The following MLC1 variants were observed in gnomAD, a reference collection of about 807,000 sequenced individuals.
The protein encoded by MLC1 is modulator of VRAC current 1.
In MLC1, 32 loss-of-function variants were observed where a neutral mutation model predicts 44.7. The ratio of observed to expected loss-of-function variants is 0.72; its 90% CI spans 0.54 to 0.96. The LOEUF (loss-of-function observed/expected upper bound fraction) is 0.96, where lower values mean the gene tolerates loss of function less well. Among genes scored for constraint, MLC1 ranks in the 40% least tolerant of loss-of-function variants. The pLI, the probability that MLC1 is intolerant of heterozygous loss-of-function variation, is 0.00. For synonymous variants in MLC1, 190 were observed against 213.0 expected, an observed-to-expected ratio of 0.89 and a Z score of 0.94; for missense variants, 459 against 492.2, an observed-to-expected ratio of 0.93 and a Z score of 0.64.
chr22:50,076,899 TCAGA>T lies in MLC1; in HGVS notation c.535_538del (p.Ser179ThrfsTer16). 6.2e-7 allele frequency: 1 copy of T among 1,613,908 alleles called. No individual in the cohort carries two copies. The highest frequency in any genetic ancestry group is 8.5e-7 in the Non-Finnish European group (1 of 1,179,848). ...CACTTCGTCCAGAATGTTGGCGCTG[TCAGA>T]CATGGAGCCCTACGAAGAAACAGAA... On this transcript the variant is annotated frameshift_variant, in exon 7 of 12. Transcript: ENST00000311597. LOFTEE classifies it high-confidence loss of function.
At chr22:50,063,441 C>G (rs1209361561) in intron 11 of MLC1, among the ~76,000 whole-genome samples, 1 of 148,978 alleles carries the variant, frequency 6.7e-6, no homozygotes, top group African/African-American at 2.5e-5. Context: ...CCACTGCACT[C>G]CAGTCTGGGT....
At chr22:50,075,618 G>A (rs1356699775) in intron 7 of MLC1, among the ~76,000 whole-genome samples, 1 of 151,824 alleles carries the variant, frequency 6.6e-6, no homozygotes, top group East Asian at 1.9e-4. Context: ...GCTGAGGCGG[G>A]AGAATCGCTT....
chr22:50,062,224 G>C, intron 11 of MLC1, among the ~76,000 whole-genome samples: 1 of 113,456 alleles, frequency 8.8e-6, no homozygotes, highest in South Asian at 2.8e-4. Context: ...CTGAGCCCCA[G>C]CCGCCCACCC....
intron 9 of MLC1, among the ~76,000 whole-genome samples, 170 bp from the exon 10 acceptor site, chr22:50,068,725 C>CTTTTTTTTTTTTTTTTTTTTT (rs765426637): frequency 9.5e-6 from 1 of 105,254 alleles, no homozygotes; most frequent in African/African-American, 3.6e-5. Context: ...TTTTCTTTTT[C>CTTTTTTTTTTTTTTTTTTTTT]TTTTTTTTTT....
At chr22:50,080,215 C>T in intron 4 of MLC1, 129 bp downstream of exon 4, 2 of 1,281,656 alleles carry the variant, frequency 1.6e-6, no homozygotes, top group Non-Finnish European at 2.2e-6. Context: ...GTCTGGGGGG[C>T]AACCTCGGGG....
At chr22:50,065,751 C>T (rs531618165) in intron 10 of MLC1, among the ~76,000 whole-genome samples, 1 of 152,320 alleles carries the variant, frequency 6.6e-6, no homozygotes, top group East Asian at 1.9e-4. Flanking sequence ...TGGACGGCCC[C>T]CATTGAGGAG....
Position 50,079,049 on chromosome 22 carries a change from C to T in MLC1, c.423+869G>A, listed in dbSNP as rs193152394. On this transcript the variant is annotated intron_variant, in intron 5 of 11. Transcript: ENST00000311597. Reference sequence around the variant, plus strand: ...CTGTAATCCCAGCACTATGGGAGGCCGAGGTGGATGGATCACCTGAGGTCA... The same window carrying T: ...CTGTAATCCCAGCACTATGGGAGGCTGAGGTGGATGGATCACCTGAGGTCA... 1.9e-3 allele frequency among the ~76,000 whole-genome samples: 285 copies of T among 151,830 alleles called. No homozygotes were observed. In the Middle Eastern group the frequency reaches 0.02, roughly 11 times the overall value.
intron 10 of MLC1, 65 bp downstream of exon 10, chr22:50,068,368 C>T (rs2061763706): frequency 1.3e-6 from 2 of 1,595,962 alleles, no homozygotes; most frequent in Admixed American, 3.4e-5. Context: ...GCAAAGCCAG[C>T]AAGGGCCAGG....
Position 50,061,565 on chromosome 22 carries a change from G to A in MLC1, c.*18C>T, listed in dbSNP as rs111797969. ...GGGGCCAGGCTGGGCGCTGCCACCC[G>A]GTTTCCGCGTCTGGGGGTCACTGGG... On this transcript the variant is annotated 3_prime_UTR_variant, in exon 12 of 12. Coordinates refer to ENST00000311597, the MANE Select transcript of MLC1 (RefSeq NM_015166.4). 117 of 1,612,526 alleles carry A rather than the reference G, an allele frequency of 7.3e-5. No homozygotes were observed. Among genetic ancestry groups the A allele is most frequent in the Admixed American group, 2.7e-4 (16 of 60,004 alleles).
In MLC1 at chr22:50,070,559, G is replaced by T; in HGVS notation, c.739C>A (p.His247Asn). 6.4e-7 allele frequency: 1 copy of T among 1,565,582 alleles called. No homozygotes were observed. The highest frequency in any genetic ancestry group is 1.2e-5 in the South Asian group (1 of 85,160). The part of the protein sequence containing the change: ...VACFPSAIAS[H>N]VAAECPSKCL... ...TTGCTGGGACACTCTGCTGCCACAT[G>T]ACTGGCAATGGCACTTGGAAAGCAC... The change falls in exon 9 of 12, where the codon CAT becomes AAT. Residue 247 changes from histidine to asparagine, a missense_variant. Physicochemically the swap from His to Asn is moderately conservative, Grantham distance 68 (BLOSUM62 1). Transcript: ENST00000311597.
At position 50,061,572 on chromosome 22, in the gene MLC1, G is replaced by A. The variant is rs369175737; in HGVS notation, c.*11C>T. 4.1e-5 allele frequency: 66 copies of A among 1,613,148 alleles called. 2 individuals carry two copies. Among genetic ancestry groups the A allele is most frequent in the East Asian group, 3.1e-4 (14 of 44,878 alleles). ...GGCTGGGCGCTGCCACCCGGTTTCC[G>A]CGTCTGGGGGTCACTGGGCCATTTG... On this transcript the variant is annotated 3_prime_UTR_variant, in exon 12 of 12. Transcript: ENST00000311597.
chr22:50,082,013 G>A (rs1349748591), intron 3 of MLC1, among the ~76,000 whole-genome samples: 1 of 152,238 alleles, frequency 6.6e-6, no homozygotes, highest in Non-Finnish European at 1.5e-5. Flanking sequence ...ACAGCACGGG[G>A]CGGGGCATCC....
chr22:50,077,269 G>A, intron 6 of MLC1, 132 bp downstream of exon 6: 1 of 849,404 alleles, frequency 1.2e-6, no homozygotes, highest in Non-Finnish European at 1.9e-6. Flanking sequence ...AGACCCAGGA[G>A]AGAGGGGTCT....
intron 10 of MLC1, among the ~76,000 whole-genome samples, chr22:50,065,941 T>C (rs117616637): frequency 0.017 from 2,602 of 152,356 alleles, 32 homozygotes; most frequent in Non-Finnish European, 0.024. Flanking sequence ...CACTAGGGAC[T>C]GGCTGGGTTG....
Position 50,064,189 on chromosome 22 carries a change from C to A in MLC1, c.904G>T (p.Asp302Tyr). Reference protein sequence around the residue: ...DYPPAIKPSYDVLLLLLLLVL... With the variant: ...DYPPAIKPSYYVLLLLLLLVL... ...AGCAGCAGCAGCAGCAGCAGCACAT[C>A]GTAGGATGGCTGCAGGCGGAAGGAG... Residue 302 changes from aspartate to tyrosine, a missense_variant, in exon 11 of 12, where the codon GAT becomes TAT. Coordinates refer to ENST00000311597, the MANE Select transcript of MLC1 (RefSeq NM_015166.4). 3 of 1,598,306 alleles carry A rather than the reference C, an allele frequency of 1.9e-6. No homozygotes were observed. Among genetic ancestry groups the A allele is most frequent in the South Asian group, 1.1e-5 (1 of 90,212 alleles).
chr22:50,074,279 C>G lies in MLC1; in HGVS notation c.651G>C (p.Leu217=). The G allele has an allele frequency of 6.2e-7, 1 of 1,614,146 alleles. No homozygotes were observed. Among genetic ancestry groups the G allele is most frequent in the African/African-American group, 1.3e-5 (1 of 75,074 alleles). ...ISAVLGGIIA[L]NVDDSVSGPH... is the part of the protein sequence containing the mutation. The stretch of plus-strand genomic sequence containing the variant: ...GGCCTGAAACTGAGTCATCCACGTT[C>G]AGGGCAATGATCCCCCCGAGGACGG... The change falls in exon 8 of 12, where the codon CTG becomes CTC. Residue 217 remains leucine, a synonymous_variant. Transcript: ENST00000311597.
intron 5 of MLC1, among the ~76,000 whole-genome samples, chr22:50,079,466 C>G (rs1440173535): frequency 7.0e-6 from 1 of 143,284 alleles, no homozygotes; most frequent in Non-Finnish European, 1.5e-5. Flanking sequence ...TGCAGTATCT[C>G]GGATGAGGTC....
At chr22:50,073,497 G>A (rs1248270967) in intron 8 of MLC1, among the ~76,000 whole-genome samples, 15 of 152,168 alleles carry the variant, frequency 9.9e-5, no homozygotes. Flanking sequence ...TTTGGGGGCC[G>A]AGGCAGGCAG....
At chr22:50,062,139 A>T (rs1407127080) in intron 11 of MLC1, among the ~76,000 whole-genome samples, 1 of 124,718 alleles carries the variant, frequency 8.0e-6, no homozygotes, top group African/African-American at 3.1e-5. Flanking sequence ...AGCCCCAGCC[A>T]CCCACCCTGA....
Sources: allele counts gnomAD v4.1 joint callset (sites outside exome capture counted in the v4.1 genomes callset), GRCh38; gene constraint gnomAD v4.1.1; transcripts MANE v1.5; gene names NCBI Gene and HGNC (gene_info 2026-07-23, HGNC 2026-07-21).